Variants in TDG observed in about 807,000 individuals in gnomAD.
The protein encoded by TDG is thymine DNA glycosylase, also known as G/T mismatch-specific thymine DNA glycosylase.
Under a neutral mutation model 46.1 loss-of-function variants are expected in TDG, and 23 were observed. That is an observed-to-expected ratio of 0.50 (90% CI 0.36 to 0.71). TDG has a LOEUF of 0.71. Ranked by LOEUF, TDG falls within the 30% of genes least tolerant of loss-of-function variation. The probability of loss-of-function intolerance (pLI) is 0.00; values close to 1 mark genes in which losing one functional copy is unlikely to be tolerated. For missense variants in TDG, 304 were observed against 486.7 expected, an observed-to-expected ratio of 0.62 and a Z score of 3.53; for synonymous variants, 115 against 161.3, an observed-to-expected ratio of 0.71 and a Z score of 2.18.
chr12:103,972,945 T>C, intron 1 of TDG: 1 of 697,590 alleles, frequency 1.4e-6, no homozygotes, highest in Non-Finnish European at 2.6e-6. Context: ...GTCTCCCTAA[T>C]TTATGTATTT....
At chr12:103,977,202 T>A in intron 2 of TDG, 142 bp downstream of exon 2, 1 of 1,176,060 alleles carries the variant, frequency 8.5e-7, no homozygotes, top group Non-Finnish European at 1.2e-6. Context: ...TGCTAAGCAC[T>A]GATAGGTTCT....
intron 8 of TDG, 88 bp from the exon 9 acceptor site, chr12:103,985,514 GA>G (rs1367563509): frequency 1.4e-6 from 2 of 1,422,256 alleles, no homozygotes; most frequent in East Asian, 4.8e-5. Flanking sequence ...GAATATTCAA[GA>G]AAAAGAATTG....
At chr12:103,976,380 C>T (rs1871537415) in intron 1 of TDG, among the ~76,000 whole-genome samples, 2 of 151,342 alleles carry the variant, frequency 1.3e-5, no homozygotes, top group Non-Finnish European at 2.9e-5. Flanking sequence ...GCACTCCAAC[C>T]TGGGTGACAG....
At chr12:103,970,764 A>G (rs1418040049) in intron 1 of TDG, among the ~76,000 whole-genome samples, 1 of 152,116 alleles carries the variant, frequency 6.6e-6, no homozygotes, top group East Asian at 1.9e-4. Context: ...AAAAATAATT[A>G]AAAAAATAAA....
intron 2 of TDG, among the ~76,000 whole-genome samples, chr12:103,978,713 G>C (rs1871657637): frequency 6.6e-6 from 1 of 152,156 alleles, no homozygotes; most frequent in South Asian, 2.1e-4. Flanking sequence ...GCTTCCTGTT[G>C]GGTAACTATA....
Position 103,965,980 on chromosome 12 carries a change from G to A in TDG, c.-58G>A, listed in dbSNP as rs1486011424. On this transcript the variant is annotated 5_prime_UTR_variant, in exon 1 of 10. Transcript: ENST00000392872. ...GCAGTGAGTACCACGCGGTACTACA[G>A]AGACCGGCTGCCCGTGTGCCCGGCA... The A allele has an allele frequency of 3.8e-6, 6 of 1,577,244 alleles. No homozygotes were observed. The highest frequency in any genetic ancestry group is 4.3e-6 in the Non-Finnish European group (5 of 1,162,422).
intron 6 of TDG, 34 bp from the exon 7 acceptor site, chr12:103,983,261 T>G (rs1871953855): frequency 6.4e-7 from 1 of 1,570,700 alleles, no homozygotes; most frequent in African/African-American, 1.4e-5. Flanking sequence ...GCTAACATTA[T>G]GGGCAATGTA....
At chr12:103,969,734 G>A (rs1205658905) in intron 1 of TDG, among the ~76,000 whole-genome samples, 1 of 152,198 alleles carries the variant, frequency 6.6e-6, no homozygotes, top group Non-Finnish European at 1.5e-5. Context: ...GGGAAACTCA[G>A]TGTGAATCAA....
chr12:103,982,891 A>G lies in TDG; in HGVS notation c.571A>G (p.Asn191Asp). ...LPGKYGIGFT[N>D]MVERTTPGSK... ...AGGGAAGTATGGTATTGGATTTACC[A>G]ACATGGTGGAAAGGACCACGCCCGG... The change falls in exon 5 of 10, where the codon AAC becomes GAC. Residue 191 changes from asparagine to aspartate, a missense_variant. By Grantham distance (23) the Asn-to-Asp change is conservative (BLOSUM62 1). Coordinates refer to ENST00000392872, the MANE Select transcript of TDG (RefSeq NM_003211.6). The G allele has an allele frequency of 1.2e-6, 2 of 1,614,204 alleles. No homozygotes were observed. The highest frequency in any genetic ancestry group is 8.5e-7 in the Non-Finnish European group (1 of 1,180,042).
chr12:103,965,882 A>T lies in TDG; in HGVS notation c.-156A>T, dbSNP rs1167490858. On this transcript the variant is annotated 5_prime_UTR_variant, in exon 1 of 10. Coordinates refer to ENST00000392872, the MANE Select transcript of TDG (RefSeq NM_003211.6). ...TCCGTGGGGGACGGTAGAAGCCTGG[A>T]GGAGGAGCTTGAGTCCAGCCACTGT... is the stretch of plus-strand genomic sequence containing the variant. 7 of 1,201,804 alleles carry T rather than the reference A, an allele frequency of 5.8e-6. No individual in the cohort carries two copies. Among genetic ancestry groups the T allele is most frequent in the Non-Finnish European group, 8.0e-6 (7 of 872,916 alleles). The allele number at this position is 1,201,804 out of a possible 1,614,324, so 74.4% of individuals were successfully genotyped here. A position where few individuals can be genotyped will look rare whatever the true frequency, so the allele number is the denominator to read the frequency against.
chr12:103,975,974 A>G (rs2136235912), intron 1 of TDG, among the ~76,000 whole-genome samples: 1 of 151,798 alleles, frequency 6.6e-6, no homozygotes, highest in Middle Eastern at 3.4e-3. Context: ...GTCACCTCAT[A>G]AAGGTCCTAC....
intron 1 of TDG, among the ~76,000 whole-genome samples, chr12:103,966,524 T>G (rs996540918): frequency 6.6e-6 from 1 of 152,140 alleles, no homozygotes; most frequent in South Asian, 2.1e-4. Context: ...GAAAGCAACT[T>G]TAAGGGTCAC....
chr12:103,971,114 G>T (rs771088804), intron 1 of TDG, among the ~76,000 whole-genome samples: 3 of 152,158 alleles, frequency 2.0e-5, no homozygotes, highest in East Asian at 1.9e-4. Context: ...TATATCAAGC[G>T]ACTTGAGCAT....
At chr12:103,980,148 T>G in intron 3 of TDG, 76 bp downstream of exon 3, 1 of 1,582,306 alleles carries the variant, frequency 6.3e-7, no homozygotes, top group Non-Finnish European at 8.6e-7. Context: ...TCCTTGCAAA[T>G]AGCATTTTGC....
At chr12:103,985,264 C>T (rs1048880091) in intron 8 of TDG, among the ~76,000 whole-genome samples, 3 of 151,120 alleles carry the variant, frequency 2.0e-5, no homozygotes, top group East Asian at 1.9e-4. Context: ...CAATTATATT[C>T]GCAGCCAGAG....
chr12:103,981,093 G>A, intron 4 of TDG, 131 bp downstream of exon 4: 3 of 727,966 alleles, frequency 4.1e-6, no homozygotes, highest in Non-Finnish European at 6.8e-6. Flanking sequence ...CATGTTCTGT[G>A]TGTGTGTCTG....
Position 103,985,681 on chromosome 12 carries a change from A to G in TDG, c.1043A>G (p.Glu348Gly). 6.2e-7 allele frequency: 1 copy of G among 1,614,124 alleles called. No individual in the cohort carries two copies. Among genetic ancestry groups the G allele is most frequent in the East Asian group, 2.2e-5 (1 of 44,872 alleles). Residue 348 changes from glutamate (E) to glycine (G), a missense_variant, in exon 9 of 10, where the codon GAA becomes GGA. Coordinates refer to ENST00000392872, the MANE Select transcript of TDG (RefSeq NM_003211.6). Reference protein sequence around the residue: ...YEAAYGGAYGENPCSSEPCGF... With the variant: ...YEAAYGGAYGGNPCSSEPCGF... ...GCAGCATATGGTGGTGCTTACGGAGAAAATCCATGCAGCAGTGAACCTTGT... is the reference window on the plus strand; with the variant it reads ...GCAGCATATGGTGGTGCTTACGGAGGAAATCCATGCAGCAGTGAACCTTGT...
intron 1 of TDG, among the ~76,000 whole-genome samples, chr12:103,976,408 C>CCCCACA (rs1555274301): frequency 4.1e-5 from 6 of 147,450 alleles, no homozygotes; most frequent in Non-Finnish European, 7.5e-5. Flanking sequence ...CCCTGTCTCC[C>CCCCACA]CACACACACA....
intron 2 of TDG, among the ~76,000 whole-genome samples, chr12:103,979,419 A>G (rs1022527604): frequency 1.3e-5 from 2 of 151,914 alleles, no homozygotes; most frequent in Admixed American, 6.6e-5. Flanking sequence ...GTGGTTTTCT[A>G]CTGGGGAAGT....
Sources: allele counts gnomAD v4.1 joint callset (sites outside exome capture counted in the v4.1 genomes callset), GRCh38; gene constraint gnomAD v4.1.1; transcripts MANE v1.5; gene names NCBI Gene and HGNC (gene_info 2026-07-23, HGNC 2026-07-21).